NEB: variants seen among roughly 807,000 people sequenced by gnomAD.
NEB encodes nemaline myopathy type 2.
NEB carries 512 observed loss-of-function variants against 952.2 expected under a neutral mutation model. The ratio of observed to expected loss-of-function variants is 0.54; its 90% confidence interval spans 0.50 to 0.58. NEB has a LOEUF of 0.58. NEB is among the 20% of genes least tolerant of loss of function. NEB has a pLI of 0.00. For synonymous variants in NEB, 2,900 were observed against 3,149.8 expected (o/e 0.92, Z 2.66); for missense variants, 8,428 against 9,231.1 (o/e 0.91, Z 3.56).
chr2:151,499,190 C>A, intron 169 of NEB, 108 bp downstream of exon 169: 1 of 566,468 alleles, frequency 1.8e-6, no homozygotes, highest in East Asian at 3.2e-5. Context: ...GGGAAAAAGA[C>A]AGGTCAAATT....
chr2:151,635,673 T>C (rs2098745616), intron 64 of NEB, among the ~76,000 whole-genome samples: 1 of 132,206 alleles, frequency 7.6e-6, no homozygotes, highest in Admixed American at 9.1e-5. Flanking sequence ...GCCATTGCAC[T>C]CCAGCCTGGG....
rs1238979217 is a variant in NEB, at chr2:151,665,244, C to T, written c.5238+89G>A. ...CGGCACGAAGACGATCAGAAAGAAA[C>T]ACTGTAGGAGACGATTGGGGCACTG... On this transcript the variant is annotated intron_variant, in intron 42 of 181. Coordinates refer to ENST00000397345, the MANE Select transcript of NEB (RefSeq NM_001164508.2). The T allele has an allele frequency of 5.7e-6, 7 of 1,238,230 alleles. 1 individual carries two copies. In the Middle Eastern group the frequency reaches 1.3e-3, roughly 224 times the overall value. 76.7% of individuals were successfully genotyped at this position (1,238,230 alleles called of 1,614,324 possible).
At chr2:151,653,018 A>G (rs1370633721) in intron 52 of NEB, among the ~76,000 whole-genome samples, 1 of 152,210 alleles carries the variant, frequency 6.6e-6, no homozygotes, top group East Asian at 1.9e-4. Flanking sequence ...TTAATTTTCC[A>G]ACATTTCTGG....
Position 151,567,248 on chromosome 2 carries a change from T to C in NEB, c.18076A>G (p.Asn6026Asp), listed in dbSNP as rs780656121. 6.2e-7 allele frequency: 1 copy of C among 1,613,876 alleles called. No individual in the cohort carries two copies. Among genetic ancestry groups the C allele is most frequent in the Non-Finnish European group, 8.5e-7 (1 of 1,179,814 alleles). ...QTLVSDIDYR[N>D]YLHQWMCHPD... is the part of the protein sequence containing the mutation. Reference sequence around the variant, plus strand: ...TGACACATCCATTGGTGCAAGTAATTACGATAATCAATATCACTGACAAGG... The same window carrying C: ...TGACACATCCATTGGTGCAAGTAATCACGATAATCAATATCACTGACAAGG... Residue 6026 changes from asparagine (N) to aspartate (D), a missense_variant, in exon 114 of 182, where the codon AAT becomes GAT. By Grantham distance (23) the Asn-to-Asp change is conservative. Around this residue, in one of 11 missense-constraint regions of NEB, gnomAD observed 3,374 missense variants for 3,651.5 expected, o/e 0.92. Transcript: ENST00000397345.
chr2:151,667,922 G>T lies in NEB; in HGVS notation c.4612-11C>A. On this transcript the variant is annotated splice_polypyrimidine_tract_variant and intron_variant, in intron 39 of 181. Coordinates refer to ENST00000397345, the MANE Select transcript of NEB (RefSeq NM_001164508.2). ...TGCTTTATAATGAGCCTTCAAAAAA[G>T]TAGAGGTTATTTTATTATTTGACAT... 1 of 1,595,308 alleles carries T rather than the reference G, an allele frequency of 6.3e-7. No individual in the cohort carries two copies. The highest frequency in any genetic ancestry group is 1.3e-5 in the African/African-American group (1 of 74,648).
chr2:151,687,452 C>A lies in NEB; in HGVS notation c.2604G>T (p.Leu868=), dbSNP rs201698008. 302 of 1,614,010 alleles carry A rather than the reference C, an allele frequency of 1.9e-4. 2 individuals are homozygous for A. In the African/African-American group the frequency reaches 3.3e-3, roughly 18 times the overall value. ...GGTTTTTGGCTGTCTTCAAGGAGTG[C>A]AGCATCTTTGGATCGTCATTAATGC... ...ALSINDDPKM[L]HSLKTAKNQS... Residue 868 remains leucine, a synonymous_variant, in exon 27 of 182, where the codon CTG becomes CTT. Coordinates refer to ENST00000397345, the MANE Select transcript of NEB (RefSeq NM_001164508.2).
chr2:151,570,297 A>T lies in NEB; in HGVS notation c.17214T>A (p.Ala5738=). 6.2e-7 allele frequency: 1 copy of T among 1,612,876 alleles called. No homozygotes were observed. Among genetic ancestry groups the T allele is most frequent in the South Asian group, 1.1e-5 (1 of 91,040 alleles). Reference sequence around the variant, plus strand: ...ACTCTCGTTCATTCTGGAGCTTGTCAGCTATGAGGGCCCAGCGGATCTTGT... The same window carrying T: ...ACTCTCGTTCATTCTGGAGCTTGTCTGCTATGAGGGCCCAGCGGATCTTGT... ...DDNKIRWALI[A]DKLQNEREYR... The change falls in exon 109 of 182, where the codon GCT becomes GCA. Residue 5738 remains alanine (A), a synonymous_variant. Coordinates refer to ENST00000397345, the MANE Select transcript of NEB (RefSeq NM_001164508.2).
intron 75 of NEB, among the ~76,000 whole-genome samples, chr2:151,616,320 A>G (rs1334691654): frequency 6.6e-6 from 1 of 152,160 alleles, no homozygotes; most frequent in South Asian, 2.1e-4. Context: ...GTAAATTTCA[A>G]CAAAAAAATG....
In NEB at chr2:151,672,459, G is replaced by A. The variant is rs1238068883; in HGVS notation, c.4209C>T (p.Val1403=). The part of the protein sequence containing the change: ...AKMAQDVATN[V]NYKQPLHHYT... ...AATGATGCAATGGCTGTTTGTAGTT[G>A]ACATTGGTAGCGACATCCTGGGCCA... Residue 1403 remains valine (V), a synonymous_variant, in exon 37 of 182, where the codon GTC becomes GTT. Transcript: ENST00000397345. 1.2e-6 allele frequency: 2 copies of A among 1,613,958 alleles called. No individual in the cohort carries two copies. Among genetic ancestry groups the A allele is most frequent in the Middle Eastern group, 1.6e-4 (1 of 6,062 alleles).
In NEB at chr2:151,727,729, T is replaced by C. The variant is rs1251337477; in HGVS notation, c.256A>G (p.Ile86Val). 5 of 1,613,624 alleles carry C rather than the reference T, an allele frequency of 3.1e-6. No individual in the cohort carries two copies. The highest frequency in any genetic ancestry group is 1.7e-5 in the Admixed American group (1 of 59,934). ...VDPSKFMTPYIAHSQKMQDLF... is the reference protein window; with the variant it reads ...VDPSKFMTPYVAHSQKMQDLF... ...TCCTGCATTTTCTGACTGTGTGCAA[T>C]GTAGGGGGTCATGAACTTTGAAGGA... is the stretch of plus-strand genomic sequence containing the variant. The change falls in exon 5 of 182, where the codon ATT (isoleucine) becomes GTT (valine). Residue 86 changes from isoleucine (I) to valine (V), a missense_variant. Transcript: ENST00000397345.
Position 151,627,164 on chromosome 2 carries a change from G to A in NEB, c.10185C>T (p.Gly3395=). The stretch of plus-strand genomic sequence containing the variant: ...CATCCATAGACCCAATGGGGACCCA[G>A]CCAATGCCTCTCAGCCACTGGAGAT... The part of the protein sequence containing the change: ...KSDLQWLRGI[G]WVPIGSMDVV... Residue 3395 remains glycine, a synonymous_variant, in exon 70 of 182, where the codon GGC becomes GGT. Transcript: ENST00000397345. The A allele has an allele frequency of 6.2e-7, 1 of 1,613,930 alleles. No individual in the cohort carries two copies. The highest frequency in any genetic ancestry group is 1.1e-5 in the South Asian group (1 of 91,074).
In NEB at chr2:151,697,787, C is replaced by A. The variant is rs569603594; in HGVS notation, c.1153-139G>T. On this transcript the variant is annotated intron_variant, in intron 13 of 181. Coordinates refer to ENST00000397345, the MANE Select transcript of NEB (RefSeq NM_001164508.2). ...CTGTCTTAAAAACTGACAATTGAGG[C>A]CAGGTGCGGCGGCTCACGCCTGTAA... 5 of 635,174 alleles carry A rather than the reference C, an allele frequency of 7.9e-6. No homozygotes were observed. The Admixed American group carries it at 9.7e-5, about 12-fold the overall frequency. 39.3% of individuals were successfully genotyped at this position (635,174 alleles called of 1,614,324 possible). A position where few individuals can be genotyped will look rare whatever the true frequency, so the allele number is the denominator to read the frequency against.
intron 44 of NEB, 29 bp from the exon 45 acceptor site, chr2:151,663,888 G>A (rs780552380): frequency 3.8e-6 from 6 of 1,588,700 alleles, no homozygotes; most frequent in African/African-American, 2.7e-5. Context: ...TTATGGTGAT[G>A]AAAATGGTAA....
At chr2:151,530,897 G>A (rs1046700269) in intron 145 of NEB, 97 bp downstream of exon 145, 1 of 751,770 alleles carries the variant, frequency 1.3e-6, no homozygotes, top group Non-Finnish European at 2.2e-6. Context: ...TTTTAGGGTG[G>A]TTGTTACACA....
At chr2:151,637,117 G>T (rs1231266882) in intron 63 of NEB, among the ~76,000 whole-genome samples, 2 of 152,120 alleles carry the variant, frequency 1.3e-5, no homozygotes, top group African/African-American at 2.4e-5. Context: ...CAACCTAAAG[G>T]TTCCTGGGAG....
intron 77 of NEB, among the ~76,000 whole-genome samples, chr2:151,613,971 T>C (rs1158459948): frequency 2.0e-5 from 3 of 152,228 alleles, no homozygotes; most frequent in Non-Finnish European, 2.9e-5. Flanking sequence ...TACAGAGTTG[T>C]TGCTGATGTC....
chr2:151,506,843 AT>A (rs2069438925), intron 163 of NEB, 65 bp downstream of exon 163: 5 of 1,043,864 alleles, frequency 4.8e-6, no homozygotes, highest in Non-Finnish European at 7.4e-6. Context: ...TAAGGCTAGT[AT>A]ATTTTTAAAG....
chr2:151,661,425 T>C (rs2099148244), intron 46 of NEB, among the ~76,000 whole-genome samples: 1 of 152,176 alleles, frequency 6.6e-6, no homozygotes, highest in Non-Finnish European at 1.5e-5. Flanking sequence ...ACTATGGCCA[T>C]TATTTTCTGC....
At chr2:151,507,350 C>G (rs929960769) in intron 162 of NEB, among the ~76,000 whole-genome samples, 1 of 152,158 alleles carries the variant, frequency 6.6e-6, no homozygotes, top group Non-Finnish European at 1.5e-5. Flanking sequence ...TACACTACCC[C>G]AAAATAATGG....
Sources: gnomAD v4.1 joint callset for allele counts (sites outside exome capture counted in the v4.1 genomes callset) on GRCh38, gnomAD v4.1.1 for gene constraint, gnomAD v4.1.1 regional missense constraint, MANE v1.5 for transcripts, NCBI Gene and HGNC (gene_info 2026-07-23, HGNC 2026-07-21) for gene names.